CUBN: variants seen among roughly 807,000 people sequenced by gnomAD.
The protein encoded by CUBN is cubilin.
Under a neutral mutation model 405.3 loss-of-function variants are expected in CUBN, and 282 were observed. The observed-to-expected ratio is 0.70, with a 90% CI of 0.63 to 0.77. The LOEUF (loss-of-function observed/expected upper bound fraction) is 0.77. Among genes scored for constraint, CUBN ranks in the 30% least tolerant of loss-of-function variants. The pLI is 0.00. For missense variants in CUBN, 4,514 were observed against 4,475.2 expected, an observed-to-expected ratio of 1.01 and a Z score of -0.25; for synonymous variants, 1,684 against 1,617.0, an observed-to-expected ratio of 1.04 and a Z score of -0.99.
chr10:17,071,746 A>G, intron 18 of CUBN, 81 bp downstream of exon 18: 1 of 1,538,338 alleles, frequency 6.5e-7, no homozygotes, highest in Non-Finnish European at 8.9e-7. Context: ...ACTTGAGGAC[A>G]TAAAATGACT....
chr10:17,053,805 A>G (rs2131829509), intron 22 of CUBN, among the ~76,000 whole-genome samples: 1 of 152,276 alleles, frequency 6.6e-6, no homozygotes, highest in East Asian at 1.9e-4. Flanking sequence ...AGCAGCATAG[A>G]CCACATGCAG....
At chr10:17,027,446 G>C (rs1306997512) in intron 27 of CUBN, among the ~76,000 whole-genome samples, 1 of 152,036 alleles carries the variant, frequency 6.6e-6, no homozygotes, top group African/African-American at 2.4e-5. Flanking sequence ...AAATATACAA[G>C]GAGCGATGAC....
intron 11 of CUBN, among the ~76,000 whole-genome samples, 156 bp from the exon 12 acceptor site, chr10:17,104,761 AAAT>A (rs1321750753): frequency 2.7e-5 from 4 of 147,042 alleles, no homozygotes; most frequent in Admixed American, 1.4e-4. Context: ...ATATATTTAA[AAAT>A]AATTATTATT....
chr10:17,120,371 G>A (rs1837008706), intron 6 of CUBN, among the ~76,000 whole-genome samples: 1 of 152,038 alleles, frequency 6.6e-6, no homozygotes, highest in Non-Finnish European at 1.5e-5. Context: ...GAATTCATGA[G>A]GTTTCAGAAA....
intron 2 of CUBN, among the ~76,000 whole-genome samples, chr10:17,128,825 G>C (rs980434081): frequency 6.6e-6 from 1 of 152,154 alleles, no homozygotes; most frequent in African/African-American, 2.4e-5. Context: ...ATAAGACCTA[G>C]TGTTTGATAG....
At chr10:16,993,003 G>A (rs1206713330) in intron 28 of CUBN, among the ~76,000 whole-genome samples, 2 of 152,268 alleles carry the variant, frequency 1.3e-5, no homozygotes, top group African/African-American at 2.4e-5. Context: ...AGGGAGCACC[G>A]CTCACAGGAC....
chr10:17,113,967 TG>T, intron 8 of CUBN, 59 bp downstream of exon 8: 1 of 1,543,928 alleles, frequency 6.5e-7, no homozygotes, highest in Non-Finnish European at 8.9e-7. Flanking sequence ...GAAAGAAAAT[TG>T]GTTCTGGCAC....
intron 59 of CUBN, among the ~76,000 whole-genome samples, chr10:16,859,222 A>C (rs1207662194): frequency 1.3e-5 from 2 of 152,234 alleles, no homozygotes; most frequent in Admixed American, 6.5e-5. Flanking sequence ...TGCAAACCAC[A>C]TACTGACAAA....
rs10713094 is a variant in CUBN, at chr10:16,884,389, ATT to A, written c.8905+4026_8905+4027del. 2.3e-3 allele frequency among the ~76,000 whole-genome samples: 341 copies of A among 148,760 alleles called. 2 individuals are homozygous for A. The highest frequency in any genetic ancestry group is 7.0e-3 in the South Asian group (33 of 4,710). On this transcript the variant is annotated intron_variant, in intron 56 of 66. Coordinates refer to ENST00000377833, the MANE Select transcript of CUBN (RefSeq NM_001081.4). ...ATGAAGTAAGAAAACTGGATCTATA[ATT>A]TTTTTTTTTTTTAGCAGATTGAGGG... is the stretch of plus-strand genomic sequence containing the variant.
chr10:17,087,685 A>T (rs1836153305), intron 15 of CUBN, among the ~76,000 whole-genome samples: 1 of 151,926 alleles, frequency 6.6e-6, no homozygotes, highest in Non-Finnish European at 1.5e-5. Flanking sequence ...CATGTTGGCC[A>T]GGCTGTCTCC....
At position 16,963,662 on chromosome 10, in the gene CUBN, T is replaced by C. The variant is rs1588526193; in HGVS notation, c.4696-9114A>G. ...TATTGCAAGCAACTTAAATGTTCAT[T>C]AACAGGAGAATGGGCAAATGACTTG... On this transcript the variant is annotated intron_variant, in intron 31 of 66. Coordinates refer to ENST00000377833, the MANE Select transcript of CUBN (RefSeq NM_001081.4). 2.6e-5 allele frequency among the ~76,000 whole-genome samples: 4 copies of C among 152,286 alleles called. No individual in the cohort carries two copies. The East Asian group carries it at 7.7e-4, about 29-fold the overall frequency.
intron 14 of CUBN, among the ~76,000 whole-genome samples, chr10:17,091,642 G>A (rs1588636545): frequency 6.6e-6 from 1 of 152,112 alleles, no homozygotes; most frequent in Non-Finnish European, 1.5e-5. Flanking sequence ...GTGCAAAAGA[G>A]GCTTTTAATG....
rs57009841 is a variant in CUBN, at chr10:16,889,953, A to AAAAAAAAAAAAAAAAAAAAAAAAG, written c.8755+417_8755+418insCTTTTTTTTTTTTTTTTTTTTTTT. ...GCCGTGTCAAAAAAAAAAAAAAAAAACAGGAAAGACTTCGTCATGGAAATT... is the reference window on the plus strand; with the variant it reads ...GCCGTGTCAAAAAAAAAAAAAAAAAAAAAAAAAAAAAAAAAAAAAAAAAGCAGGAAAGACTTCGTCATGGAAATT... On this transcript the variant is annotated intron_variant, in intron 55 of 66. Coordinates refer to ENST00000377833, the MANE Select transcript of CUBN (RefSeq NM_001081.4). Among the ~76,000 whole-genome samples the AAAAAAAAAAAAAAAAAAAAAAAAG allele has an allele frequency of 2.0e-4, 24 of 118,020 alleles. 7 individuals are homozygous for AAAAAAAAAAAAAAAAAAAAAAAAG. The highest frequency in any genetic ancestry group is 1.0e-3 in the African/African-American group (24 of 23,880). 77.4% of individuals were successfully genotyped at this position (118,020 alleles called of 152,430 possible).
chr10:17,013,673 G>A (rs1302647552), intron 28 of CUBN, among the ~76,000 whole-genome samples: 2 of 152,214 alleles, frequency 1.3e-5, no homozygotes, highest in Non-Finnish European at 2.9e-5. Flanking sequence ...TGTAGGATTA[G>A]ATAAGCATAC....
intron 64 of CUBN, among the ~76,000 whole-genome samples, chr10:16,831,926 A>G (rs189766870): frequency 6.6e-6 from 1 of 152,242 alleles, no homozygotes; most frequent in Admixed American, 6.5e-5. Context: ...AATGCAAAGT[A>G]TAATAAAGTT....
intron 4 of CUBN, among the ~76,000 whole-genome samples, 189 bp downstream of exon 4, chr10:17,126,572 A>C (rs1021876318): frequency 3.3e-5 from 5 of 152,178 alleles, no homozygotes; most frequent in Non-Finnish European, 2.9e-5. Context: ...TTGTCATTTC[A>C]TCTGTCTTAG....
intron 31 of CUBN, chr10:16,965,659 A>G (rs542301349): frequency 2.0e-5 from 3 of 150,462 alleles, no homozygotes; most frequent in South Asian, 2.1e-4. Flanking sequence ...TGGATTTTTT[A>G]TCTTGTTTAC....
intron 38 of CUBN, among the ~76,000 whole-genome samples, chr10:16,938,447 C>G (rs1051039258): frequency 9.2e-5 from 14 of 152,066 alleles, no homozygotes; most frequent in Admixed American, 9.2e-4. Flanking sequence ...TAGTCATTCC[C>G]ATACATATTG....
chr10:16,967,593 C>T (rs1297915130), intron 31 of CUBN, among the ~76,000 whole-genome samples: 1 of 151,680 alleles, frequency 6.6e-6, no homozygotes, highest in Non-Finnish European at 1.5e-5. Flanking sequence ...ACAAGATAAA[C>T]GTTTGAAAAA....
Sources: gnomAD v4.1 joint callset for allele counts (sites outside exome capture counted in the v4.1 genomes callset) on GRCh38, gnomAD v4.1.1 for gene constraint, MANE v1.5 for transcripts, NCBI Gene and HGNC (gene_info 2026-07-23, HGNC 2026-07-21) for gene names.